SOX5: variants seen among roughly 807,000 people sequenced by gnomAD.
The protein encoded by SOX5 is transcription factor SOX-5.
In SOX5, 9 loss-of-function variants were observed where a neutral mutation model predicts 92.0. That is an observed-to-expected ratio of 0.10 (90% CI 0.06 to 0.17). SOX5 has a LOEUF of 0.17. Among genes scored for constraint, SOX5 ranks in the 10% least tolerant of loss-of-function variants. SOX5 has a pLI of 1.00. For missense variants in SOX5, 642 were observed against 944.5 expected (o/e 0.68, Z 4.20); for synonymous variants, 344 against 336.3 (o/e 1.02, Z -0.25).
intron 4 of SOX5, among the ~76,000 whole-genome samples, chr12:24,109,737 T>G (rs1162746769): frequency 6.6e-6 from 1 of 152,200 alleles, no homozygotes; most frequent in Non-Finnish European, 1.5e-5. Context: ...TGAAAATCAT[T>G]TCAACAGAAC....
At chr12:23,713,833 T>G (rs997615847) in intron 6 of SOX5, among the ~76,000 whole-genome samples, 1 of 151,106 alleles carries the variant, frequency 6.6e-6, no homozygotes, top group Non-Finnish European at 1.5e-5. Flanking sequence ...TGGCTCACAC[T>G]GTAATCCCAG....
rs1454437312 is a variant in SOX5 at position 24,230,693 on chromosome 12, A to C, written c.-76-17276T>G. The C allele has an allele frequency of 3.9e-5, 6 of 152,214 alleles. No homozygotes were observed. In the South Asian group the frequency reaches 6.2e-4, roughly 16 times the overall value. The allele number at this position is 152,214 out of a possible 1,614,324, so 9.4% of individuals were successfully genotyped here. A position where few individuals can be genotyped will look rare whatever the true frequency, so the allele number is the denominator to read the frequency against. ...ATCAGGGTTCAAACTAGAAGATGAT[A>C]AAAACAAAGGAAAACAAAGCCGACA... On this transcript the variant is annotated intron_variant, in intron 3 of 4. Coordinates refer to the SOX5 transcript ENST00000446891.
chr12:24,169,822 T>C (rs1953866097), intron 4 of SOX5, among the ~76,000 whole-genome samples: 4 of 152,162 alleles, frequency 2.6e-5, no homozygotes. Context: ...TACAGATACA[T>C]AGTAAATGAT....
chr12:23,727,413 T>C (rs2093191738), intron 6 of SOX5, among the ~76,000 whole-genome samples: 1 of 152,126 alleles, frequency 6.6e-6, no homozygotes. Context: ...GGAGGTTTTA[T>C]TTAATCATAA....
At chr12:24,511,685 G>T (rs189398970) in intron 1 of SOX5, among the ~76,000 whole-genome samples, 1 of 151,988 alleles carries the variant, frequency 6.6e-6, no homozygotes, top group South Asian at 2.1e-4. Context: ...GCGGCCGGGC[G>T]CAGTGGCTCA....
intron 8 of SOX5, among the ~76,000 whole-genome samples, chr12:23,620,004 C>A (rs1157415784): frequency 6.6e-6 from 1 of 151,924 alleles, no homozygotes; most frequent in Non-Finnish European, 1.5e-5. Context: ...AGTAAAATCC[C>A]AAATGTGCAA....
intron 2 of SOX5, among the ~76,000 whole-genome samples, chr12:24,305,971 A>G (rs773825568): frequency 1.3e-5 from 2 of 152,200 alleles, no homozygotes; most frequent in Non-Finnish European, 2.9e-5. Context: ...CCAAACAAAA[A>G]CAACCCTATA....
At chr12:23,808,987 C>T (rs1235038143) in intron 3 of SOX5, among the ~76,000 whole-genome samples, 1 of 152,058 alleles carries the variant, frequency 6.6e-6, no homozygotes, top group Non-Finnish European at 1.5e-5. Context: ...TGCATATACA[C>T]ATCATATACG....
chr12:23,570,981 A>C, intron 10 of SOX5, among the ~76,000 whole-genome samples: 1 of 87,290 alleles, frequency 1.1e-5, no homozygotes, highest in Non-Finnish European at 2.1e-5. Flanking sequence ...ATATATATAT[A>C]TATTTTCATA....
chr12:23,780,746 A>G (rs151001814), intron 3 of SOX5, among the ~76,000 whole-genome samples: 54 of 152,204 alleles, frequency 3.5e-4, no homozygotes, highest in African/African-American at 1.3e-3. Flanking sequence ...AAAGGGGCTA[A>G]GAATTTGCAT....
chr12:24,014,099 T>C (rs562681414), intron 4 of SOX5, among the ~76,000 whole-genome samples: 3 of 152,192 alleles, frequency 2.0e-5, no homozygotes, highest in Admixed American at 2.0e-4. Flanking sequence ...AAGATTTACT[T>C]TCCTTTTATT....
intron 1 of SOX5, among the ~76,000 whole-genome samples, chr12:24,387,483 C>A (rs1958543127): frequency 6.6e-6 from 1 of 152,142 alleles, no homozygotes; most frequent in Non-Finnish European, 1.5e-5. Flanking sequence ...GCTGTAGATC[C>A]TGTCTCTGCA....
At chr12:23,967,278 A>G (rs1227657777) in intron 4 of SOX5, among the ~76,000 whole-genome samples, 2 of 151,454 alleles carry the variant, frequency 1.3e-5, no homozygotes, top group Non-Finnish European at 2.9e-5. Flanking sequence ...TCTGTTTAAA[A>G]TAGATGCATT....
chr12:23,664,020 G>T (rs907527407), intron 7 of SOX5, among the ~76,000 whole-genome samples: 1 of 152,078 alleles, frequency 6.6e-6, no homozygotes. Flanking sequence ...AAAGAGCAAA[G>T]CACCACACAT....
chr12:24,222,825 G>T, intron 3 of SOX5, among the ~76,000 whole-genome samples: 1 of 152,154 alleles, frequency 6.6e-6, no homozygotes, highest in Admixed American at 6.5e-5. Flanking sequence ...CTAATTGTGG[G>T]ATTTCAAACA....
chr12:23,777,025 C>A (rs2095125380), intron 3 of SOX5, among the ~76,000 whole-genome samples: 1 of 152,052 alleles, frequency 6.6e-6, no homozygotes. Flanking sequence ...TATTTATTTT[C>A]TCTTCCTCCC....
chr12:24,340,621 G>A (rs1952467851), intron 2 of SOX5, among the ~76,000 whole-genome samples: 1 of 152,154 alleles, frequency 6.6e-6, no homozygotes, highest in Non-Finnish European at 1.5e-5. Flanking sequence ...CATCCTTTCT[G>A]CTTCATTGGT....
At chr12:24,240,220 G>A (rs1965310282) in intron 3 of SOX5, among the ~76,000 whole-genome samples, 1 of 152,068 alleles carries the variant, frequency 6.6e-6, no homozygotes, top group Non-Finnish European at 1.5e-5. Context: ...CCTGATTTTA[G>A]TACCAGATTA....
chr12:24,352,273 T>C (rs1487887261), intron 2 of SOX5, among the ~76,000 whole-genome samples: 1 of 152,214 alleles, frequency 6.6e-6, no homozygotes, highest in African/African-American at 2.4e-5. Flanking sequence ...GTGATGGAAA[T>C]AACGAGTTCT....
Sources: gnomAD v4.1 joint callset for allele counts (sites outside exome capture counted in the v4.1 genomes callset) on GRCh38, gnomAD v4.1.1 for gene constraint, MANE v1.5 for transcripts, NCBI Gene and HGNC (gene_info 2026-07-23, HGNC 2026-07-21) for gene names.